Variants in RPH3A observed in about 807,000 individuals in gnomAD.
RPH3A encodes the protein rabphilin-3A.
Under a neutral mutation model 102.2 loss-of-function variants are expected in RPH3A, and 48 were observed. That is an observed-to-expected ratio of 0.47 (90% CI 0.37 to 0.60). The LOEUF (loss-of-function observed/expected upper bound fraction) is 0.60, where lower values mean the gene tolerates loss of function less well. RPH3A is among the 20% of genes least tolerant of loss of function. The pLI is 0.00. For synonymous variants in RPH3A, 310 were observed against 324.3 expected, an observed-to-expected ratio of 0.96 and a Z score of 0.47; for missense variants, 781 against 910.1, an observed-to-expected ratio of 0.86 and a Z score of 1.83.
chr12:112,697,505 C>T (rs988368700), intron 1 of RPH3A, among the ~76,000 whole-genome samples: 3 of 152,116 alleles, frequency 2.0e-5, no homozygotes, highest in Admixed American at 6.5e-5. Context: ...TACTATGGGT[C>T]GGAAGACTCA....
intron 1 of RPH3A, among the ~76,000 whole-genome samples, chr12:112,645,949 C>T (rs2039926919): frequency 6.6e-6 from 1 of 152,080 alleles, no homozygotes; most frequent in Non-Finnish European, 1.5e-5. Context: ...CTATGGCACT[C>T]TGGTCGATTT....
intron 1 of RPH3A, among the ~76,000 whole-genome samples, chr12:112,672,453 G>C (rs2040139920): frequency 6.6e-6 from 1 of 152,228 alleles, no homozygotes. Context: ...TTTGATACCA[G>C]TTTTGCTGGT....
At chr12:112,585,666 CAG>C (rs1332323645) in intron 1 of RPH3A, among the ~76,000 whole-genome samples, 2 of 152,024 alleles carry the variant, frequency 1.3e-5, no homozygotes, top group Non-Finnish European at 2.9e-5. Flanking sequence ...ACTCGGGAGG[CAG>C]AGTTTGCAGT....
chr12:112,601,539 T>C (rs562831919), intron 1 of RPH3A, among the ~76,000 whole-genome samples: 1 of 152,234 alleles, frequency 6.6e-6, no homozygotes, highest in South Asian at 2.1e-4. Flanking sequence ...GAAAATAAAA[T>C]CAAATTGCAC....
chr12:112,734,185 C>T (rs1451315741), intron 1 of RPH3A, among the ~76,000 whole-genome samples: 1 of 152,076 alleles, frequency 6.6e-6, no homozygotes, highest in African/African-American at 2.4e-5. Flanking sequence ...TTTAGTGTAC[C>T]TTTGCTATGC....
intron 5 of RPH3A, among the ~76,000 whole-genome samples, chr12:112,857,047 G>A (rs966060942): frequency 6.6e-6 from 1 of 151,394 alleles, no homozygotes; most frequent in African/African-American, 2.4e-5. Flanking sequence ...ATCTGCAGGG[G>A]TGTGTGTGTG....
intron 1 of RPH3A, among the ~76,000 whole-genome samples, chr12:112,732,459 T>C (rs780788111): frequency 6.6e-5 from 10 of 152,204 alleles, no homozygotes; most frequent in Non-Finnish European, 1.3e-4. Flanking sequence ...TAGTGAGAAT[T>C]TGATGAGTCC....
At chr12:112,747,927 T>G (rs2040759971) in intron 1 of RPH3A, among the ~76,000 whole-genome samples, 1 of 152,190 alleles carries the variant, frequency 6.6e-6, no homozygotes, top group African/African-American at 2.4e-5. Context: ...GAGCCCCTTC[T>G]TGCAGCAGAG....
At chr12:112,628,214 G>A (rs993419017) in intron 1 of RPH3A, among the ~76,000 whole-genome samples, 4 of 152,018 alleles carry the variant, frequency 2.6e-5, no homozygotes, top group African/African-American at 7.2e-5. Context: ...GAGAAAGTTC[G>A]AGAGTGAGGC....
intron 1 of RPH3A, among the ~76,000 whole-genome samples, chr12:112,578,034 T>C (rs2135956673): frequency 6.6e-6 from 1 of 152,310 alleles, no homozygotes; most frequent in East Asian, 1.9e-4. Context: ...CTCTGAGTTA[T>C]AATGGAAGTC....
chr12:112,602,812 A>G (rs1208386638), intron 1 of RPH3A, among the ~76,000 whole-genome samples: 1 of 152,166 alleles, frequency 6.6e-6, no homozygotes. Flanking sequence ...AAAAAAGAGT[A>G]GGAGAAAGAG....
chr12:112,882,374 G>A (rs1490704023), intron 15 of RPH3A, among the ~76,000 whole-genome samples: 2 of 152,222 alleles, frequency 1.3e-5, no homozygotes, highest in East Asian at 3.9e-4. Flanking sequence ...GGCCTACCCA[G>A]AGTATATGGC....
At chr12:112,873,357 C>T (rs562123088) in intron 10 of RPH3A, among the ~76,000 whole-genome samples, 39 of 152,340 alleles carry the variant, frequency 2.6e-4, no homozygotes, top group African/African-American at 9.1e-4. Context: ...AGGCAGTTCA[C>T]GTGCAGAGCC....
intron 1 of RPH3A, among the ~76,000 whole-genome samples, chr12:112,731,242 A>C (rs2040632234): frequency 6.6e-6 from 1 of 152,004 alleles, no homozygotes; most frequent in African/African-American, 2.4e-5. Context: ...AGAAAGAGAG[A>C]GAGGAGAGAG....
intron 1 of RPH3A, among the ~76,000 whole-genome samples, chr12:112,630,376 A>T (rs374544405): frequency 6.1e-4 from 93 of 152,330 alleles, no homozygotes; most frequent in African/African-American, 2.2e-3. Context: ...TGAGAAAAGC[A>T]GGAGAGGGCA....
At chr12:112,742,718 C>A (rs1025580869) in intron 1 of RPH3A, among the ~76,000 whole-genome samples, 6 of 152,144 alleles carry the variant, frequency 3.9e-5, no homozygotes, top group African/African-American at 1.4e-4. Context: ...TGGTGAGGAC[C>A]AAAGGAGCTT....
chr12:112,630,455 C>CT (rs2039796402), intron 1 of RPH3A, among the ~76,000 whole-genome samples: 1 of 152,134 alleles, frequency 6.6e-6, no homozygotes, highest in South Asian at 2.1e-4. Flanking sequence ...TGGGGGAACT[C>CT]TAGAGCATAA....
chr12:112,683,868 GCAGGA>G (rs1380575077), intron 1 of RPH3A, among the ~76,000 whole-genome samples: 1 of 152,132 alleles, frequency 6.6e-6, no homozygotes, highest in Non-Finnish European at 1.5e-5. Flanking sequence ...GGAGAGAGGG[GCAGGA>G]CATTGACAGT....
chr12:112,651,712 C>T (rs1380180399), intron 1 of RPH3A: 1 of 152,220 alleles, frequency 6.6e-6, no homozygotes, highest in African/African-American at 2.4e-5. Flanking sequence ...TCATTCCAAA[C>T]AGAAACTCTG....
Sources: allele counts gnomAD v4.1 joint callset (sites outside exome capture counted in the v4.1 genomes callset), GRCh38; gene constraint gnomAD v4.1.1; transcripts MANE v1.5; gene names NCBI Gene and HGNC (gene_info 2026-07-23, HGNC 2026-07-21).